Variants in TMEM217B observed in about 807,000 individuals in gnomAD.
The protein encoded by TMEM217B is putative transmembrane protein 217B.
chr6:37,245,572 T>C, the TMEM217B span, among the ~76,000 whole-genome samples: 1 of 152,120 alleles, frequency 6.6e-6, no homozygotes, highest in African/African-American at 2.4e-5. Context: ...TACTAGGAGG[T>C]GGGCTCTGCT....
the TMEM217B span, among the ~76,000 whole-genome samples, chr6:37,221,584 T>C: frequency 6.6e-6 from 1 of 152,206 alleles, no homozygotes; most frequent in African/African-American, 2.4e-5. Context: ...AGAATTTTCT[T>C]TGATTACTGC....
At chr6:37,230,898 G>A in the TMEM217B span, among the ~76,000 whole-genome samples, 1 of 152,024 alleles carries the variant, frequency 6.6e-6, no homozygotes, top group East Asian at 1.9e-4. Flanking sequence ...TTAACAATGA[G>A]TTTTCTTTTC....
chr6:37,258,041 C>A, the TMEM217B span: 1 of 1,556,070 alleles, frequency 6.4e-7, no homozygotes, highest in Non-Finnish European at 8.7e-7. Flanking sequence ...TCCCTGAATC[C>A]CGCGGGCCTG....
chr6:37,245,924 C>T, the TMEM217B span, among the ~76,000 whole-genome samples: 1 of 151,966 alleles, frequency 6.6e-6, no homozygotes, highest in Non-Finnish European at 1.5e-5. Context: ...CTCAGCCTCC[C>T]GAGTAGCTGT....
At chr6:37,242,434 T>A in the TMEM217B span, among the ~76,000 whole-genome samples, 1 of 152,226 alleles carries the variant, frequency 6.6e-6, no homozygotes, top group Non-Finnish European at 1.5e-5. Context: ...TTTCTTTGCC[T>A]TTAAGAGCCT....
chr6:37,218,609 A>C, the TMEM217B span: 1 of 1,614,208 alleles, frequency 6.2e-7, no homozygotes, highest in Non-Finnish European at 8.5e-7. Flanking sequence ...GAACATCCAG[A>C]AACAGTGCAT....
At chr6:37,228,814 G>A in the TMEM217B span, among the ~76,000 whole-genome samples, 1 of 151,602 alleles carries the variant, frequency 6.6e-6, no homozygotes, top group Admixed American at 6.6e-5. Flanking sequence ...TGACTAACAC[G>A]GTGAAACCCC....
the TMEM217B span, among the ~76,000 whole-genome samples, chr6:37,222,809 A>C: frequency 6.6e-6 from 1 of 152,192 alleles, no homozygotes; most frequent in Non-Finnish European, 1.5e-5. Context: ...TTCCCGACTT[A>C]ACTCAGAAGG....
the TMEM217B span, among the ~76,000 whole-genome samples, chr6:37,223,548 G>A: frequency 2.6e-5 from 4 of 152,222 alleles, no homozygotes; most frequent in South Asian, 2.1e-4. Context: ...TTGCTCTGTC[G>A]CCCAGGCTGG....
At chr6:37,248,737 A>T in the TMEM217B span, among the ~76,000 whole-genome samples, 1 of 152,230 alleles carries the variant, frequency 6.6e-6, no homozygotes, top group African/African-American at 2.4e-5. Flanking sequence ...GGGGAGCAGA[A>T]ATAGGTGGCA....
At chr6:37,252,062 T>G in the TMEM217B span, among the ~76,000 whole-genome samples, 1 of 152,116 alleles carries the variant, frequency 6.6e-6, no homozygotes, top group African/African-American at 2.4e-5. Flanking sequence ...CCCAGCTAAT[T>G]TTGTAATTTT....
the TMEM217B span, among the ~76,000 whole-genome samples, chr6:37,251,257 A>C: frequency 6.6e-6 from 1 of 151,692 alleles, no homozygotes; most frequent in Non-Finnish European, 1.5e-5. Flanking sequence ...GGCACATCTC[A>C]CATATGGGAA....
At chr6:37,219,034 G>A in the TMEM217B span, 1 of 1,610,666 alleles carries the variant, frequency 6.2e-7, no homozygotes, top group Non-Finnish European at 8.5e-7. Flanking sequence ...GTTTCATGCT[G>A]AGACCTCCTG....
chr6:37,212,189 A>G, the TMEM217B span: 1 of 303,642 alleles, frequency 3.3e-6, no homozygotes, highest in African/African-American at 2.2e-5. Context: ...GAGATGGTTA[A>G]GTAAGCACAA....
the TMEM217B span, among the ~76,000 whole-genome samples, chr6:37,225,207 G>GA: frequency 7.3e-5 from 11 of 150,986 alleles, no homozygotes; most frequent in South Asian, 6.3e-4. Context: ...CTAAAAAAAA[G>GA]AAAAAAAAAT....
chr6:37,247,459 C>T, the TMEM217B span, among the ~76,000 whole-genome samples: 2 of 150,316 alleles, frequency 1.3e-5, no homozygotes, highest in East Asian at 3.9e-4. Context: ...GCGACCTCAG[C>T]TCACTGCAAC....
At chr6:37,229,595 G>A in the TMEM217B span, among the ~76,000 whole-genome samples, 17 of 151,994 alleles carry the variant, frequency 1.1e-4, no homozygotes, top group East Asian at 3.9e-4. Context: ...ACCCGCCTCC[G>A]CCTCCCAAAG....
the TMEM217B span, chr6:37,218,561 CG>C: frequency 6.2e-7 from 1 of 1,614,086 alleles, no homozygotes; most frequent in South Asian, 1.1e-5. Context: ...GCCCTGGCTC[CG>C]GTTTTTGTAG....
chr6:37,228,592 T>C, the TMEM217B span, among the ~76,000 whole-genome samples: 2 of 152,164 alleles, frequency 1.3e-5, no homozygotes, highest in African/African-American at 4.8e-5. Context: ...TAGTCCCAGA[T>C]ACTCGGGAGG....
Sources: allele counts gnomAD v4.1 joint callset (sites outside exome capture counted in the v4.1 genomes callset), GRCh38; gene constraint gnomAD v4.1.1; transcripts MANE v1.5; gene names NCBI Gene and HGNC (gene_info 2026-07-23, HGNC 2026-07-21).